Variants in SYT1 observed in about 807,000 individuals in gnomAD.
SYT1 encodes synaptotagmin-1.
In SYT1, 8 loss-of-function variants were observed where a neutral mutation model predicts 44.8. The ratio of observed to expected loss-of-function variants is 0.18; its 90% CI spans 0.10 to 0.32. The LOEUF (loss-of-function observed/expected upper bound fraction) is 0.32. Among genes scored for constraint, SYT1 ranks in the 10% least tolerant of loss-of-function variants. The pLI is 1.00. For missense variants in SYT1, 286 were observed against 509.3 expected, an observed-to-expected ratio of 0.56 and a Z score of 4.22; for synonymous variants, 154 against 188.8, an observed-to-expected ratio of 0.82 and a Z score of 1.51.
chr12:79,280,947 G>T (rs1879017597), intron 4 of SYT1, among the ~76,000 whole-genome samples: 1 of 149,252 alleles, frequency 6.7e-6, no homozygotes. Flanking sequence ...ACCAAAATGA[G>T]ATACCACCTT....
intron 3 of SYT1, among the ~76,000 whole-genome samples, chr12:79,112,325 T>C (rs1174198127): frequency 1.3e-5 from 2 of 152,060 alleles, no homozygotes; most frequent in Non-Finnish European, 1.5e-5. Context: ...AAAGCTACGA[T>C]GTGGAGACGT....
At chr12:79,072,870 C>G (rs562563227) in intron 3 of SYT1, among the ~76,000 whole-genome samples, 1 of 152,050 alleles carries the variant, frequency 6.6e-6, no homozygotes, top group African/African-American at 2.4e-5. Flanking sequence ...CAAGTCTCTG[C>G]CCTCAAATAG....
chr12:78,948,209 G>T (rs12320324), intron 1 of SYT1, among the ~76,000 whole-genome samples: 2,050 of 151,840 alleles, frequency 0.014, 42 homozygotes, highest in African/African-American at 0.047. Context: ...TCATGGAATA[G>T]TGTTTTGTAT....
At chr12:79,034,396 G>A (rs1211441308) in intron 2 of SYT1, among the ~76,000 whole-genome samples, 1 of 151,514 alleles carries the variant, frequency 6.6e-6, no homozygotes, top group Non-Finnish European at 1.5e-5. Flanking sequence ...AAGTAGTAAG[G>A]AATGTCTAAA....
chr12:79,379,305 G>A (rs930020725), intron 9 of SYT1, among the ~76,000 whole-genome samples: 2 of 152,142 alleles, frequency 1.3e-5, no homozygotes, highest in African/African-American at 2.4e-5. Context: ...TTGAAACCCT[G>A]TCGTTTTTTA....
intron 1 of SYT1, among the ~76,000 whole-genome samples, chr12:78,911,039 C>T (rs1047551915): frequency 3.9e-5 from 6 of 151,908 alleles, no homozygotes; most frequent in African/African-American, 1.2e-4. Flanking sequence ...AATGGAAGGC[C>T]ACTGAAAGGT....
chr12:79,337,901 A>G (rs1170795911), intron 8 of SYT1, among the ~76,000 whole-genome samples: 2 of 152,202 alleles, frequency 1.3e-5, no homozygotes, highest in African/African-American at 4.8e-5. Flanking sequence ...CCAAATCACT[A>G]TGAGGCAGCT....
chr12:79,030,409 T>G (rs528016788), intron 2 of SYT1, among the ~76,000 whole-genome samples: 3 of 150,988 alleles, frequency 2.0e-5, no homozygotes, highest in East Asian at 3.9e-4. Flanking sequence ...CCTCCATAAC[T>G]TTTCTCCTTC....
chr12:78,949,234 A>G lies in SYT1; in HGVS notation c.-216-28565A>G, dbSNP rs542405366. On this transcript the variant is annotated intron_variant, in intron 1 of 10. Coordinates refer to ENST00000261205, the MANE Select transcript of SYT1 (RefSeq NM_005639.3). ...AGTGCCATTGTAGTTGTACCATAGA[A>G]CATAATTTTAGAAATATAGGACTCC... 2.6e-5 allele frequency among the ~76,000 whole-genome samples: 4 copies of G among 151,774 alleles called. No individual in the cohort carries two copies. The East Asian group carries it at 7.7e-4, about 29-fold the overall frequency.
At chr12:79,113,772 C>T (rs931239240) in intron 3 of SYT1, among the ~76,000 whole-genome samples, 2 of 152,106 alleles carry the variant, frequency 1.3e-5, no homozygotes, top group African/African-American at 4.8e-5. Flanking sequence ...CCACTAATCC[C>T]AGTTCCCACA....
chr12:79,171,831 G>A (rs956298306), intron 3 of SYT1, among the ~76,000 whole-genome samples: 4 of 151,766 alleles, frequency 2.6e-5, no homozygotes, highest in Admixed American at 2.0e-4. Context: ...TAATAAAATC[G>A]GTTTAATAAT....
intron 8 of SYT1, among the ~76,000 whole-genome samples, chr12:79,314,817 A>G (rs1366651469): frequency 1.3e-5 from 2 of 152,220 alleles, no homozygotes; most frequent in African/African-American, 2.4e-5. Flanking sequence ...AACAACCAAA[A>G]TATTCATCAA....
At chr12:79,164,589 C>T (rs1327808563) in intron 3 of SYT1, among the ~76,000 whole-genome samples, 10 of 152,136 alleles carry the variant, frequency 6.6e-5, no homozygotes, top group Non-Finnish European at 4.4e-5. Context: ...TTGCTTCTCT[C>T]AGTGGCTGCA....
intron 1 of SYT1, among the ~76,000 whole-genome samples, chr12:78,952,520 A>C (rs1298939434): frequency 1.3e-5 from 2 of 152,156 alleles, no homozygotes; most frequent in Non-Finnish European, 2.9e-5. Flanking sequence ...CTGTCAGGAT[A>C]CCATGACTCA....
chr12:78,928,316 C>T (rs1364431668), intron 1 of SYT1, among the ~76,000 whole-genome samples: 1 of 152,102 alleles, frequency 6.6e-6, no homozygotes, highest in Non-Finnish European at 1.5e-5. Flanking sequence ...AATACTTATT[C>T]CACCTTAACT....
intron 3 of SYT1, among the ~76,000 whole-genome samples, chr12:79,187,860 C>T (rs1366592865): frequency 6.6e-6 from 1 of 152,112 alleles, no homozygotes; most frequent in Non-Finnish European, 1.5e-5. Flanking sequence ...CACAATGCCC[C>T]TGTTCAGCTA....
chr12:79,208,098 C>G (rs541173349), intron 3 of SYT1, among the ~76,000 whole-genome samples: 2 of 152,222 alleles, frequency 1.3e-5, no homozygotes, highest in Non-Finnish European at 2.9e-5. Context: ...CCCAAATTTC[C>G]TAATTCCTGG....
rs188402436 is a variant in SYT1, at chr12:78,997,427, T to C, written c.-84+19496T>C. ...CTTGGGCTTTTCTATTTTGGCTAAA[T>C]TGCCTTATATTCTTGACAGCTAGAT... On this transcript the variant is annotated intron_variant, in intron 2 of 10. Transcript: ENST00000261205. Among the ~76,000 whole-genome samples, 3 of 152,330 alleles carry C rather than the reference T, an allele frequency of 2.0e-5. No individual in the cohort carries two copies. In the East Asian group the frequency reaches 5.8e-4, roughly 29 times the overall value.
intron 2 of SYT1, among the ~76,000 whole-genome samples, chr12:79,043,760 G>A (rs1170900770): frequency 6.6e-6 from 1 of 152,142 alleles, no homozygotes; most frequent in Admixed American, 6.6e-5. Context: ...TGCAGCGGCT[G>A]GTGCCAGTTG....
Sources: allele counts gnomAD v4.1 joint callset (sites outside exome capture counted in the v4.1 genomes callset), GRCh38; gene constraint gnomAD v4.1.1; transcripts MANE v1.5; gene names NCBI Gene and HGNC (gene_info 2026-07-23, HGNC 2026-07-21).